DSCAM: variants seen among roughly 807,000 people sequenced by gnomAD.
DSCAM encodes the protein DS cell adhesion molecule.
DSCAM carries 47 observed loss-of-function variants against 217.7 expected under a neutral mutation model. The ratio of observed to expected loss-of-function variants is 0.22; its 90% CI spans 0.17 to 0.28. The LOEUF is 0.28. Ranked by LOEUF, DSCAM falls within the 10% of genes least tolerant of loss-of-function variation. DSCAM has a pLI of 1.00. For synonymous variants in DSCAM, 1,056 were observed against 1,015.3 expected (o/e 1.04, Z -0.76); for missense variants, 2,080 against 2,618.3 (o/e 0.79, Z 4.49).
intron 11 of DSCAM, among the ~76,000 whole-genome samples, chr21:40,255,450 TC>T (rs2073358251): frequency 6.6e-6 from 1 of 152,152 alleles, no homozygotes; most frequent in Non-Finnish European, 1.5e-5. Flanking sequence ...TTCAAAGACC[TC>T]CCCGGCCTAA....
chr21:40,319,835 G>T (rs1388838107), intron 8 of DSCAM, among the ~76,000 whole-genome samples: 1 of 152,136 alleles, frequency 6.6e-6, no homozygotes, highest in Non-Finnish European at 1.5e-5. Flanking sequence ...GAGATTAAAG[G>T]TGGTAAAAAT....
chr21:40,290,031 T>A (rs982239415), intron 10 of DSCAM, among the ~76,000 whole-genome samples: 1 of 151,992 alleles, frequency 6.6e-6, no homozygotes, highest in East Asian at 1.9e-4. Context: ...GAACAGACCT[T>A]GCTGGGGAAA....
chr21:40,402,959 G>A (rs2075250114), intron 3 of DSCAM, among the ~76,000 whole-genome samples: 1 of 145,736 alleles, frequency 6.9e-6, no homozygotes, highest in Non-Finnish European at 1.5e-5. Context: ...AAATTTGGAA[G>A]CAAGATTATA....
intron 5 of DSCAM, 109 bp from the exon 6 acceptor site, chr21:40,348,054 C>T (rs1355140933): frequency 1.2e-5 from 14 of 1,173,392 alleles, no homozygotes; most frequent in African/African-American, 1.5e-5. Context: ...AATCATACTC[C>T]ACACAGTTCC....
intron 10 of DSCAM, among the ~76,000 whole-genome samples, chr21:40,277,632 A>ATTTTT (rs563319395): frequency 2.2e-5 from 3 of 137,210 alleles, no homozygotes; most frequent in African/African-American, 8.2e-5. Flanking sequence ...GACAACCTGA[A>ATTTTT]TTTTTTTTTT....
intron 3 of DSCAM, among the ~76,000 whole-genome samples, chr21:40,655,015 C>A (rs2837765): frequency 6.6e-6 from 1 of 151,878 alleles, no homozygotes; most frequent in Non-Finnish European, 1.5e-5. Context: ...TCTGGAAATG[C>A]GTATTTGTAC....
chr21:40,017,030 C>A (rs935459369), intron 32 of DSCAM, among the ~76,000 whole-genome samples: 9 of 150,706 alleles, frequency 6.0e-5, no homozygotes, highest in African/African-American at 7.3e-5. Context: ...GCAGGAGAAT[C>A]TTTTGAACCT....
rs924416871 is a variant in DSCAM, at chr21:40,187,901, G to C, written c.2640C>G (p.Leu880=). ...SYGEDRGIIQ[L]TVQEPPDPPE... is the part of the protein sequence containing the mutation. The stretch of plus-strand genomic sequence containing the variant: ...CTATCGTCTTCCTACCTTGCACTGT[G>C]AGCTGAATTATTCCACGGTCCTCCC... Residue 880 remains leucine (L), a synonymous_variant, in exon 13 of 33, where the codon CTC becomes CTG. Transcript: ENST00000400454. 3 of 1,613,510 alleles carry C rather than the reference G, an allele frequency of 1.9e-6. No homozygotes were observed. The highest frequency in any genetic ancestry group is 1.7e-6 in the Non-Finnish European group (2 of 1,179,476).
chr21:40,783,005 C>T (rs747877117), intron 1 of DSCAM, among the ~76,000 whole-genome samples: 18 of 152,204 alleles, frequency 1.2e-4, no homozygotes, highest in Admixed American at 2.6e-4. Flanking sequence ...GAGCTTATGT[C>T]CTGAACCTGC....
chr21:40,413,999 T>C (rs1601623591), intron 3 of DSCAM, among the ~76,000 whole-genome samples: 1 of 152,160 alleles, frequency 6.6e-6, no homozygotes. Context: ...TAGACCTAAA[T>C]GTAAGAGCTG....
intron 20 of DSCAM, among the ~76,000 whole-genome samples, chr21:40,100,552 G>GA (rs1482287546): frequency 6.6e-6 from 1 of 151,722 alleles, no homozygotes; most frequent in African/African-American, 2.4e-5. Context: ...CAAATATAGA[G>GA]AATGTTCAAT....
chr21:40,177,050 G>C (rs2090741493), intron 15 of DSCAM, among the ~76,000 whole-genome samples: 1 of 152,008 alleles, frequency 6.6e-6, no homozygotes, highest in African/African-American at 2.4e-5. Flanking sequence ...TTAGAAAAGG[G>C]CTTGAGAGAG....
At chr21:40,338,028 C>A in intron 8 of DSCAM, 73 bp downstream of exon 8, 5 of 1,564,074 alleles carry the variant, frequency 3.2e-6, no homozygotes, top group African/African-American at 1.4e-5. Context: ...GATTACCCGA[C>A]TTCAAATCAT....
At chr21:40,360,686 T>A (rs1303068760) in intron 4 of DSCAM, among the ~76,000 whole-genome samples, 2 of 152,232 alleles carry the variant, frequency 1.3e-5, no homozygotes, top group African/African-American at 2.4e-5. Flanking sequence ...GGTGTATATG[T>A]ACCACATTTT....
intron 3 of DSCAM, chr21:40,383,758 G>A (rs1243398756): frequency 6.6e-6 from 1 of 151,990 alleles, no homozygotes; most frequent in Non-Finnish European, 1.5e-5. Flanking sequence ...TATCTGTATG[G>A]CTAGTTAAAC....
intron 3 of DSCAM, among the ~76,000 whole-genome samples, chr21:40,549,461 A>G (rs2076612388): frequency 6.6e-6 from 1 of 152,210 alleles, no homozygotes. Context: ...AGAACAGCTG[A>G]GAACGGTAAG....
intron 27 of DSCAM, among the ~76,000 whole-genome samples, chr21:40,071,948 C>G (rs1458157259): frequency 1.3e-5 from 2 of 152,194 alleles, no homozygotes; most frequent in Non-Finnish European, 2.9e-5. Context: ...AAGAAACAAA[C>G]GTCTTTCTGG....
chr21:40,568,876 C>T (rs2837710), intron 3 of DSCAM, among the ~76,000 whole-genome samples: 68,140 of 151,932 alleles, frequency 0.45, 16,160 homozygotes, highest in Admixed American at 0.55. Flanking sequence ...TCTGTTACCA[C>T]GAGGGCTGTA....
intron 8 of DSCAM, among the ~76,000 whole-genome samples, chr21:40,323,540 G>A (rs1435442061): frequency 1.3e-5 from 2 of 151,970 alleles, no homozygotes; most frequent in Non-Finnish European, 2.9e-5. Flanking sequence ...AAGAAGCAAG[G>A]GAAAACGTTT....
Sources: allele counts gnomAD v4.1 joint callset (sites outside exome capture counted in the v4.1 genomes callset), GRCh38; gene constraint gnomAD v4.1.1; transcripts MANE v1.5; gene names NCBI Gene and HGNC (gene_info 2026-07-23, HGNC 2026-07-21).